The following CSMD1 variants were observed in gnomAD, a reference collection of about 807,000 sequenced individuals.
The protein encoded by CSMD1 is CUB and Sushi multiple domains 1.
A neutral mutation model predicts 417.5 loss-of-function variants in CSMD1; 213 were observed. The ratio of observed to expected loss-of-function variants is 0.51; its 90% CI spans 0.46 to 0.57. The LOEUF (loss-of-function observed/expected upper bound fraction) is 0.57, where lower values mean the gene tolerates loss of function less well. CSMD1 is among the 20% of genes least tolerant of loss of function. CSMD1 has a pLI of 0.00. For synonymous variants in CSMD1, 2,862 were observed against 1,736.8 expected, an observed-to-expected ratio of 1.65 and a Z score of -16.11; for missense variants, 6,923 against 4,529.7, an observed-to-expected ratio of 1.53 and a Z score of -15.17.
At chr8:3,318,590 G>T (rs753309423) in intron 23 of CSMD1, among the ~76,000 whole-genome samples, 14 of 152,286 alleles carry the variant, frequency 9.2e-5, no homozygotes, top group Admixed American at 6.5e-5. Context: ...AGTATCTTTC[G>T]TGACACAATG....
chr8:4,439,741 A>C lies in CSMD1; in HGVS notation c.303-19676T>G, dbSNP rs190229195. 6.6e-5 allele frequency among the ~76,000 whole-genome samples: 10 copies of C among 152,290 alleles called. No individual in the cohort carries two copies. In the East Asian group the frequency reaches 1.2e-3, roughly 18 times the overall value. On this transcript the variant is annotated intron_variant, in intron 2 of 69. Transcript: ENST00000635120. ...TTGAAATAAGTAAATAGAGAACATAAATCAGTTTTGTGTTACTAATGGAGA... is the reference window on the plus strand; with the variant it reads ...TTGAAATAAGTAAATAGAGAACATACATCAGTTTTGTGTTACTAATGGAGA...
rs1801121468 is a variant in CSMD1 at position 3,262,187 on chromosome 8, ATATATATATATATATATAT to A, written c.4153+21938_4153+21956del. Among the ~76,000 whole-genome samples the A allele has an allele frequency of 1.3e-3, 61 of 46,796 alleles. 2 individuals are homozygous for A. Among genetic ancestry groups the A allele is most frequent in the Middle Eastern group, 0.013 (1 of 80 alleles). 30.7% of individuals were successfully genotyped at this position (46,796 alleles called of 152,430 possible). A position where few individuals can be genotyped will look rare whatever the true frequency, so the allele number is the denominator to read the frequency against. ...TTTCTAAAATTATGCTCATATGAAT[ATATATATATATATATATAT>A]ATATATATATATATATATATATATA... is the stretch of plus-strand genomic sequence containing the variant. On this transcript the variant is annotated intron_variant, in intron 26 of 69. Transcript: ENST00000635120.
At chr8:4,418,289 G>GT (rs1797057665) in intron 3 of CSMD1, among the ~76,000 whole-genome samples, 2 of 152,052 alleles carry the variant, frequency 1.3e-5, no homozygotes, top group South Asian at 4.1e-4. Context: ...TTTCTAGAAA[G>GT]TTTTTCAGTT....
chr8:3,603,000 G>C (rs755474684), intron 8 of CSMD1, among the ~76,000 whole-genome samples: 1 of 152,198 alleles, frequency 6.6e-6, no homozygotes, highest in Non-Finnish European at 1.5e-5. Flanking sequence ...GACTGTGTAA[G>C]AGAGAGGGAG....
At chr8:4,798,790 G>C (rs61045925) in intron 1 of CSMD1, among the ~76,000 whole-genome samples, 70,151 of 152,064 alleles carry the variant, frequency 0.46, 16,934 homozygotes, top group East Asian at 0.55. Flanking sequence ...AACTTCAAAA[G>C]TAGAAACTGG....
At chr8:3,805,744 G>T (rs1285800976) in intron 5 of CSMD1, among the ~76,000 whole-genome samples, 1 of 151,940 alleles carries the variant, frequency 6.6e-6, no homozygotes, top group Non-Finnish European at 1.5e-5. Flanking sequence ...TTACTTGTTT[G>T]TGATACTCTT....
At chr8:3,119,344 T>C (rs373015208) in intron 41 of CSMD1, among the ~76,000 whole-genome samples, 2 of 85,386 alleles carry the variant, frequency 2.3e-5, no homozygotes, top group Non-Finnish European at 5.1e-5. Flanking sequence ...ACTATACAAA[T>C]ATAACAGGAA....
intron 50 of CSMD1, among the ~76,000 whole-genome samples, chr8:3,029,791 G>A (rs1810219505): frequency 6.6e-6 from 1 of 151,916 alleles, no homozygotes. Flanking sequence ...AAAGTATATG[G>A]CTCATTGAAG....
At position 4,788,639 on chromosome 8, in the gene CSMD1, G is replaced by C. The variant is rs970458872; in HGVS notation, c.86-151081C>G. The C allele has an allele frequency of 4.0e-6, 3 of 754,044 alleles. No homozygotes were observed. The East Asian group carries it at 7.5e-5, about 19-fold the overall frequency. The allele number at this position is 754,044 out of a possible 1,614,324, so 46.7% of individuals were successfully genotyped here. On this transcript the variant is annotated intron_variant, in intron 1 of 69. Coordinates refer to ENST00000635120, the MANE Select transcript of CSMD1 (RefSeq NM_033225.6). ...GGAAAAACTACAAATTTCTAATTTAGCTGAAGGAAAATCAAGCAATATGAA... is the reference window on the plus strand; with the variant it reads ...GGAAAAACTACAAATTTCTAATTTACCTGAAGGAAAATCAAGCAATATGAA...
chr8:4,276,778 G>A (rs779331146), intron 3 of CSMD1, among the ~76,000 whole-genome samples: 1 of 151,942 alleles, frequency 6.6e-6, no homozygotes, highest in African/African-American at 2.4e-5. Flanking sequence ...AAACCCTCAG[G>A]GGAAAGAAAA....
intron 3 of CSMD1, among the ~76,000 whole-genome samples, chr8:4,408,218 T>C (rs557756694): frequency 1.9e-4 from 29 of 152,344 alleles, no homozygotes; most frequent in South Asian, 6.2e-4. Flanking sequence ...CCCCAGGCCA[T>C]TCCTCCTTCC....
intron 5 of CSMD1, among the ~76,000 whole-genome samples, chr8:3,869,494 G>C: frequency 6.6e-6 from 1 of 152,160 alleles, no homozygotes; most frequent in Non-Finnish European, 1.5e-5. Context: ...TGGCTAGTGA[G>C]GCTGAATGCG....
At chr8:3,401,337 T>A (rs1163233051) in intron 15 of CSMD1, among the ~76,000 whole-genome samples, 1 of 152,164 alleles carries the variant, frequency 6.6e-6, no homozygotes, top group Non-Finnish European at 1.5e-5. Flanking sequence ...TTTTGCATTT[T>A]TATGTTTCTT....
At chr8:4,412,526 C>T (rs553046483) in intron 3 of CSMD1, among the ~76,000 whole-genome samples, 3 of 152,164 alleles carry the variant, frequency 2.0e-5, no homozygotes, top group East Asian at 1.9e-4. Flanking sequence ...CCTATTTTAT[C>T]GGAAAATTAC....
At chr8:4,199,906 A>G (rs559392770) in intron 3 of CSMD1, among the ~76,000 whole-genome samples, 2 of 152,282 alleles carry the variant, frequency 1.3e-5, no homozygotes, top group African/African-American at 4.8e-5. Context: ...GACAAGTCAT[A>G]CATTTTGTGG....
At chr8:4,796,091 C>T (rs1366144882) in intron 1 of CSMD1, among the ~76,000 whole-genome samples, 1 of 152,112 alleles carries the variant, frequency 6.6e-6, no homozygotes, top group Non-Finnish European at 1.5e-5. Flanking sequence ...AGTAAATGTT[C>T]TTATTCCACA....
intron 7 of CSMD1, among the ~76,000 whole-genome samples, chr8:3,645,740 G>C (rs895755911): frequency 5.3e-5 from 8 of 152,184 alleles, no homozygotes; most frequent in Admixed American, 2.6e-4. Context: ...CTGGCATCTG[G>C]AGGCAAAAGT....
chr8:4,546,789 TA>T (rs1270392213), intron 2 of CSMD1, among the ~76,000 whole-genome samples: 2 of 151,848 alleles, frequency 1.3e-5, no homozygotes, highest in Non-Finnish European at 2.9e-5. Context: ...ATATAATATA[TA>T]AAAATATATG....
At chr8:4,074,280 C>A (rs192485089) in intron 3 of CSMD1, among the ~76,000 whole-genome samples, 1 of 151,794 alleles carries the variant, frequency 6.6e-6, no homozygotes, top group Non-Finnish European at 1.5e-5. Flanking sequence ...AGTCATGAAA[C>A]GGTGTCAGCT....
Sources: allele counts gnomAD v4.1 joint callset (sites outside exome capture counted in the v4.1 genomes callset), GRCh38; gene constraint gnomAD v4.1.1; transcripts MANE v1.5; gene names NCBI Gene and HGNC (gene_info 2026-07-23, HGNC 2026-07-21).